The following CADPS variants were observed in gnomAD, a reference collection of about 807,000 sequenced individuals.
The protein encoded by CADPS is calcium dependent secretion activator, also known as calcium-dependent secretion activator 1.
In CADPS, 57 loss-of-function variants were observed where a neutral mutation model predicts 167.3. The observed-to-expected ratio is 0.34, with a 90% CI of 0.28 to 0.42. CADPS has a LOEUF of 0.42. CADPS is among the 20% of genes least tolerant of loss of function. The pLI is 1.00. For missense variants in CADPS, 1,414 were observed against 1,738.1 expected, an observed-to-expected ratio of 0.81 and a Z score of 3.32; for synonymous variants, 676 against 635.3, an observed-to-expected ratio of 1.06 and a Z score of -0.96.
intron 3 of CADPS, among the ~76,000 whole-genome samples, chr3:62,716,711 G>A (rs2084713997): frequency 6.6e-6 from 1 of 152,198 alleles, no homozygotes; most frequent in South Asian, 2.1e-4. Flanking sequence ...CCAATTAACT[G>A]AAGAGTATAT....
At chr3:62,715,753 C>CTTTTTTTTTTTTTTTTTT in intron 3 of CADPS, among the ~76,000 whole-genome samples, 1 of 89,716 alleles carries the variant, frequency 1.1e-5, no homozygotes, top group Non-Finnish European at 2.0e-5. Context: ...GATTATAAAT[C>CTTTTTTTTTTTTTTTTTT]TTTTTTTTTT....
intron 6 of CADPS, among the ~76,000 whole-genome samples, chr3:62,618,634 T>A (rs1403928220): frequency 6.6e-6 from 1 of 152,208 alleles, no homozygotes; most frequent in Non-Finnish European, 1.5e-5. Flanking sequence ...TGTTCCATGC[T>A]TTCCTTCCTT....
chr3:62,799,527 C>A (rs539833167), intron 1 of CADPS, among the ~76,000 whole-genome samples: 52 of 152,252 alleles, frequency 3.4e-4, no homozygotes, highest in Admixed American at 9.2e-4. Context: ...GGTCTAAATA[C>A]ATTTTGTCAA....
At chr3:62,675,334 T>C (rs1398096) in intron 3 of CADPS, among the ~76,000 whole-genome samples, 32,026 of 152,142 alleles carry the variant, frequency 0.21, 3,674 homozygotes, top group South Asian at 0.26. Flanking sequence ...ATTGTAGATT[T>C]TGGTTAAAGT....
intron 1 of CADPS, chr3:62,779,343 A>G: frequency 2.4e-6 from 1 of 408,390 alleles, no homozygotes. Flanking sequence ...CTGGAACTTT[A>G]GCAGCAGCAC....
At chr3:62,654,723 C>G (rs1003191068) in intron 4 of CADPS, among the ~76,000 whole-genome samples, 4 of 152,132 alleles carry the variant, frequency 2.6e-5, no homozygotes, top group African/African-American at 9.7e-5. Flanking sequence ...ATCTTGCCTC[C>G]TCATACTGGG....
intron 3 of CADPS, among the ~76,000 whole-genome samples, chr3:62,703,975 G>A (rs1490512403): frequency 1.3e-5 from 2 of 152,066 alleles, no homozygotes; most frequent in East Asian, 1.9e-4. Context: ...GTCAAGCAAT[G>A]TCAACTCACC....
At position 62,433,103 on chromosome 3, in the gene CADPS, G is replaced by A. The variant is rs576533372; in HGVS notation, c.3777+5001C>T. ...TATTATTTGGTACTTTCATCCTCCA[G>A]CAGGATGATTCCTACTTTGATTGAT... On this transcript the variant is annotated intron_variant, in intron 28 of 29. Transcript: ENST00000383710. The surrounding 1 kb of genome is among the most constrained non-coding windows in gnomAD (Gnocchi z 4.7). 3.0e-4 allele frequency among the ~76,000 whole-genome samples: 45 copies of A among 152,256 alleles called. No homozygotes were observed. Among genetic ancestry groups the A allele is most frequent in the Middle Eastern group, 3.4e-3 (1 of 294 alleles).
At chr3:62,633,494 T>G (rs1045656044) in intron 6 of CADPS, among the ~76,000 whole-genome samples, 1 of 152,040 alleles carries the variant, frequency 6.6e-6, no homozygotes. Context: ...CTCTCTTCCC[T>G]CTCCCTGTGC....
chr3:62,658,217 A>G (rs1335092928), intron 4 of CADPS, among the ~76,000 whole-genome samples: 2 of 152,182 alleles, frequency 1.3e-5, no homozygotes, highest in East Asian at 1.9e-4. Flanking sequence ...TGATTTGCCT[A>G]TACTTGGGAG....
chr3:62,701,067 G>C (rs532123245), intron 3 of CADPS, among the ~76,000 whole-genome samples: 2 of 152,168 alleles, frequency 1.3e-5, no homozygotes, highest in African/African-American at 4.8e-5. Context: ...ATTCATGAGG[G>C]CTCTATTCTT....
intron 13 of CADPS, among the ~76,000 whole-genome samples, chr3:62,528,442 A>G (rs7650478): frequency 0.66 from 100,521 of 152,122 alleles, 35,588 homozygotes; most frequent in Non-Finnish European, 0.79. Flanking sequence ...GCAAGTAATT[A>G]TTAAATGGTA....
At chr3:62,827,127 G>A (rs543844485) in intron 1 of CADPS, among the ~76,000 whole-genome samples, 1 of 152,198 alleles carries the variant, frequency 6.6e-6, no homozygotes, top group South Asian at 2.1e-4. Flanking sequence ...AGGGTGTGGG[G>A]GTGCTATTTC....
intron 1 of CADPS, among the ~76,000 whole-genome samples, chr3:62,797,046 A>G (rs1365551711): frequency 1.3e-5 from 2 of 152,210 alleles, no homozygotes; most frequent in Non-Finnish European, 2.9e-5. Context: ...TCTAAGAGAA[A>G]AAGAGAAGTG....
intron 1 of CADPS, among the ~76,000 whole-genome samples, chr3:62,792,318 C>T (rs1408023239): frequency 6.6e-6 from 1 of 151,808 alleles, no homozygotes; most frequent in African/African-American, 2.4e-5. Context: ...ATCCTCTCAC[C>T]TTAGCCTCCT....
chr3:62,578,632 G>C (rs868715630), intron 8 of CADPS, among the ~76,000 whole-genome samples: 9 of 66,380 alleles, frequency 1.4e-4, no homozygotes, highest in African/African-American at 3.4e-4. Flanking sequence ...AAAAAAAAAA[G>C]ACTTAACAAT....
intron 6 of CADPS, among the ~76,000 whole-genome samples, chr3:62,644,873 C>G (rs989918316): frequency 1.3e-5 from 2 of 152,184 alleles, no homozygotes; most frequent in African/African-American, 2.4e-5. Context: ...TCTTTGTCAG[C>G]ATTTATAACT....
At chr3:62,470,301 G>A (rs779683105) in intron 24 of CADPS, among the ~76,000 whole-genome samples, 4 of 152,190 alleles carry the variant, frequency 2.6e-5, no homozygotes, top group Non-Finnish European at 5.9e-5. Flanking sequence ...GGACCCAGGT[G>A]GAGGCTGGTA....
chr3:62,708,592 C>T (rs1360882583), intron 3 of CADPS, among the ~76,000 whole-genome samples: 2 of 151,994 alleles, frequency 1.3e-5, no homozygotes, highest in African/African-American at 4.8e-5. Flanking sequence ...CATGAGAGAG[C>T]TATCTCTGTG....
Sources: allele counts gnomAD v4.1 joint callset (sites outside exome capture counted in the v4.1 genomes callset), GRCh38; gene constraint gnomAD v4.1.1; non-coding constraint Gnocchi (gnomAD v3.1); transcripts MANE v1.5; gene names NCBI Gene and HGNC (gene_info 2026-07-23, HGNC 2026-07-21).